Variants in CPAMD8 observed in about 807,000 individuals in gnomAD.
CPAMD8 encodes the protein C3 and PZP-like alpha-2-macroglobulin domain-containing protein 8.
In CPAMD8, 146 loss-of-function variants were observed where a neutral mutation model predicts 224.7. The ratio of observed to expected loss-of-function variants is 0.65; its 90% CI spans 0.57 to 0.75. CPAMD8 has a LOEUF of 0.75. Among genes scored for constraint, CPAMD8 ranks in the 30% least tolerant of loss-of-function variants. CPAMD8 has a pLI of 0.00. For synonymous variants in CPAMD8, 966 were observed against 1,044.6 expected, an observed-to-expected ratio of 0.92 and a Z score of 1.45; for missense variants, 2,301 against 2,537.5, an observed-to-expected ratio of 0.91 and a Z score of 2.00.
chr19:17,018,029 T>TAAA (rs35265697), intron 3 of CPAMD8, among the ~76,000 whole-genome samples: 2 of 132,908 alleles, frequency 1.5e-5, no homozygotes, highest in African/African-American at 2.8e-5. Context: ...CAAGACTGCT[T>TAAA]AAAAAAAAAA....
chr19:16,893,044 G>T lies in CPAMD8; in HGVS notation c.*64C>A. ...GATGTTAACCACAGGCACAAGCTGG[G>T]TGTGTGGGTATGAATGGTCCCCAGG... On this transcript the variant is annotated 3_prime_UTR_variant, in exon 42 of 42. Coordinates refer to ENST00000443236, the MANE Select transcript of CPAMD8 (RefSeq NM_015692.5). The T allele has an allele frequency of 2.5e-6, 2 of 794,752 alleles. No individual in the cohort carries two copies. Among genetic ancestry groups the T allele is most frequent in the African/African-American group, 3.4e-5 (2 of 59,582 alleles). 49.2% of individuals were successfully genotyped at this position (794,752 alleles called of 1,614,324 possible).
rs375704229 is a variant in CPAMD8, at chr19:16,983,022, CTT to C, written c.1396-2338_1396-2337del. On this transcript the variant is annotated intron_variant, in intron 13 of 41. Transcript: ENST00000443236. Reference sequence around the variant, plus strand: ...CCTTTTCACTTGGTTCCCATTCTCTCTTGTCTGCCACCATGTAAGATGTACCT... The same window carrying C: ...CCTTTTCACTTGGTTCCCATTCTCTCGTCTGCCACCATGTAAGATGTACCT... 6.4e-3 allele frequency among the ~76,000 whole-genome samples: 979 copies of C among 152,292 alleles called. 5 individuals are homozygous for C. The highest frequency in any genetic ancestry group is 0.022 in the African/African-American group (926 of 41,560).
In CPAMD8 at chr19:17,025,269, G is replaced by A. The variant is rs190623539; in HGVS notation, c.92+1282C>T. Among the ~76,000 whole-genome samples the A allele has an allele frequency of 6.4e-4, 98 of 152,164 alleles. 2 individuals are homozygous for A. In the East Asian group the frequency reaches 0.012, roughly 19 times the overall value. On this transcript the variant is annotated intron_variant, in intron 1 of 41. Transcript: ENST00000443236. ...CTATTAAAAATACAAAAAATTAGCCGGGTGTGGTGGCACACGCCTGTAATC... is the reference window on the plus strand; with the variant it reads ...CTATTAAAAATACAAAAAATTAGCCAGGTGTGGTGGCACACGCCTGTAATC...
rs73928406 is a variant in CPAMD8 at position 16,949,456 on chromosome 19, G to T, written c.2509-2229C>A. On this transcript the variant is annotated intron_variant, in intron 20 of 41. Transcript: ENST00000443236. ...TAATCCATATAAAAAGAACGGTAAAGGATGGATTGTAAAGGTTGGGACTGA... is the reference window on the plus strand; with the variant it reads ...TAATCCATATAAAAAGAACGGTAAATGATGGATTGTAAAGGTTGGGACTGA... 1.3e-5 allele frequency among the ~76,000 whole-genome samples: 2 copies of T among 152,254 alleles called. 1 individual carries two copies. Among genetic ancestry groups the T allele is most frequent in the South Asian group, 4.1e-4 (2 of 4,824 alleles).
intron 7 of CPAMD8, among the ~76,000 whole-genome samples, chr19:17,007,841 G>A (rs979389619): frequency 6.6e-5 from 10 of 152,192 alleles, no homozygotes; most frequent in Middle Eastern, 3.2e-3. Flanking sequence ...TCATGCAATG[G>A]GGATGATAAA....
At chr19:16,948,971 G>A (rs1438506035) in intron 20 of CPAMD8, among the ~76,000 whole-genome samples, 2 of 123,650 alleles carry the variant, frequency 1.6e-5, no homozygotes, top group African/African-American at 3.0e-5. Context: ...GGAGGGGAAG[G>A]GAAGGGAGAA....
At position 16,952,010 on chromosome 19, in the gene CPAMD8, T is replaced by C. The variant is rs61741636; in HGVS notation, c.2467A>G (p.Ile823Val). The change falls in exon 20 of 42, where the codon ATC becomes GTC. Residue 823 changes from isoleucine (I) to valine (V), a missense_variant. By Grantham distance (29) the Ile-to-Val change is conservative. Coordinates refer to ENST00000443236, the MANE Select transcript of CPAMD8 (RefSeq NM_015692.5). ...ALIIRGEQVK[I>V]PLSVYNYMGT... ...ATGTAGTTGTAGACACTGAGCGGGA[T>C]CTTGACCTGCTCCCCACGGATGATG... The C allele has an allele frequency of 1.5e-3, 2,399 of 1,583,968 alleles. 27 individuals carry two copies. The African/African-American group carries it at 0.022, about 15-fold the overall frequency.
At chr19:17,003,650 C>T (rs932248677) in intron 8 of CPAMD8, among the ~76,000 whole-genome samples, 1 of 151,298 alleles carries the variant, frequency 6.6e-6, no homozygotes, top group African/African-American at 2.4e-5. Flanking sequence ...TGGTGGCTCA[C>T]ACTTGTAGTC....
At chr19:16,949,145 T>C (rs2054220736) in intron 20 of CPAMD8, among the ~76,000 whole-genome samples, 1 of 151,982 alleles carries the variant, frequency 6.6e-6, no homozygotes, top group African/African-American at 2.4e-5. Context: ...CTGAGTGAAA[T>C]GACCAGCGCT....
In CPAMD8 at chr19:17,009,291, GA is replaced by G. The variant is rs1568596890; in HGVS notation, c.504+11del. On this transcript the variant is annotated intron_variant, in intron 6 of 41. Transcript: ENST00000443236. ...CCCAAGTCCAAGCCGAGGAAGGACA[GA>G]GGCCACTCACCAGGATGTAGGCTTC... 6.2e-7 allele frequency: 1 copy of G among 1,614,086 alleles called. No homozygotes were observed. The highest frequency in any genetic ancestry group is 2.2e-5 in the East Asian group (1 of 44,872).
At chr19:16,913,451 G>A (rs73525406) in intron 29 of CPAMD8, among the ~76,000 whole-genome samples, 3,710 of 152,156 alleles carry the variant, frequency 0.024, 140 homozygotes, top group African/African-American at 0.083. Context: ...CTAGGGAAAC[G>A]CCATGTGAAC....
chr19:16,945,817 G>A (rs2054055699), intron 21 of CPAMD8, 138 bp from the exon 22 acceptor site: 6 of 782,366 alleles, frequency 7.7e-6, no homozygotes, highest in African/African-American at 3.4e-5. Flanking sequence ...ATGCAGATGT[G>A]TGCATGCATG....
In CPAMD8 at chr19:16,897,927, G is replaced by C. The variant is rs554961997; in HGVS notation, c.4916C>G (p.Ser1639Trp). 2 of 1,610,764 alleles carry C rather than the reference G, an allele frequency of 1.2e-6. No homozygotes were observed. The highest frequency in any genetic ancestry group is 1.3e-5 in the African/African-American group (1 of 74,972). The change falls in exon 38 of 42, where the codon TCG becomes TGG. Residue 1639 changes from serine (S) to tryptophan (W), a missense_variant. Ser to Trp is a radical substitution (Grantham distance 177). This residue lies in a region of CPAMD8 where 1,709 missense variants were observed against 1,753.2 expected (regional missense o/e 0.97). Coordinates refer to ENST00000443236, the MANE Select transcript of CPAMD8 (RefSeq NM_015692.5). ...ALRECVVGRT[S>W]ALPVSVYDYY... ...GTCGTACACGGAGACTGGCAGCGCC[G>C]ACGTCCTGCCCACCACGCACTCCCG...
At chr19:16,970,155 C>T (rs1363882914) in intron 18 of CPAMD8, among the ~76,000 whole-genome samples, 1 of 142,004 alleles carries the variant, frequency 7.0e-6, no homozygotes, top group African/African-American at 2.6e-5. Flanking sequence ...AGGAGAATGG[C>T]GTGAACCTGG....
chr19:16,943,385 T>TTATA (rs1007079382), intron 22 of CPAMD8, among the ~76,000 whole-genome samples: 1 of 151,732 alleles, frequency 6.6e-6, no homozygotes, highest in African/African-American at 2.4e-5. Context: ...GATCAGTGCT[T>TTATA]TATTTATTTA....
chr19:16,936,205 G>A lies in CPAMD8; in HGVS notation c.2845+2190C>T, dbSNP rs532902498. Among the ~76,000 whole-genome samples the A allele has an allele frequency of 2.0e-5, 3 of 152,208 alleles. No homozygotes were observed. The South Asian group carries it at 6.2e-4, about 32-fold the overall frequency. On this transcript the variant is annotated intron_variant, in intron 23 of 41. Transcript: ENST00000443236. ...GGCCTCTCAAAGTGCTGGGATTATA[G>A]GCATGAGCCACTGCGCCCAGCTCTA...
chr19:16,904,424 G>C (rs201442773), intron 31 of CPAMD8, 42 bp downstream of exon 31: 2 of 1,613,896 alleles, frequency 1.2e-6, no homozygotes, highest in African/African-American at 2.7e-5. Flanking sequence ...GTGCATGGAG[G>C]TATGGCCAAG....
In CPAMD8 at chr19:17,011,715, C is replaced by G; in HGVS notation, c.310G>C (p.Gly104Arg). The G allele has an allele frequency of 6.2e-7, 1 of 1,614,032 alleles. No homozygotes were observed. Among genetic ancestry groups the G allele is most frequent in the Non-Finnish European group, 8.5e-7 (1 of 1,180,010 alleles). The change falls in exon 4 of 42, where the codon GGC becomes CGC. Residue 104 changes from glycine to arginine, a missense_variant. Around this residue, in one of 4 missense-constraint regions of CPAMD8, gnomAD observed 283 missense variants for 340.6 expected, o/e 0.83. Coordinates refer to ENST00000443236, the MANE Select transcript of CPAMD8 (RefSeq NM_015692.5). Reference protein sequence around the residue: ...LRGQALLKVWGRGWQAEEGPL... With the variant: ...LRGQALLKVWRRGWQAEEGPL... ...CCCTCCTCCGCCTGCCAGCCGCGGCCCCACACTTTCAGAAGCGCTTGGCCC... is the reference window on the plus strand; with the variant it reads ...CCCTCCTCCGCCTGCCAGCCGCGGCGCCACACTTTCAGAAGCGCTTGGCCC...
At chr19:17,000,112 T>C in intron 10 of CPAMD8, 1 of 298,022 alleles carries the variant, frequency 3.4e-6, no homozygotes, top group Non-Finnish European at 6.2e-6. Flanking sequence ...AAAGTCTCTA[T>C]ATTCAGCCTG....
Sources: gnomAD v4.1 joint callset for allele counts (sites outside exome capture counted in the v4.1 genomes callset) on GRCh38, gnomAD v4.1.1 for gene constraint, gnomAD v4.1.1 regional missense constraint, MANE v1.5 for transcripts, NCBI Gene and HGNC (gene_info 2026-07-23, HGNC 2026-07-21) for gene names.